The following OPA1 variants were observed in gnomAD, a reference collection of about 807,000 sequenced individuals.
OPA1 encodes the protein OPA1 mitochondrial dynamin like GTPase.
OPA1 carries 59 observed loss-of-function variants against 152.9 expected under a neutral mutation model. The ratio of observed to expected loss-of-function variants is 0.39; its 90% CI spans 0.31 to 0.48. The LOEUF is 0.48. Among genes scored for constraint, OPA1 ranks in the 20% least tolerant of loss-of-function variants. The pLI is 0.96. For missense variants in OPA1, 1,008 were observed against 1,216.8 expected, an observed-to-expected ratio of 0.83 and a Z score of 2.55; for synonymous variants, 400 against 389.9, an observed-to-expected ratio of 1.03 and a Z score of -0.31.
intron 29 of OPA1, among the ~76,000 whole-genome samples, chr3:193,687,270 G>A (rs1043732003): frequency 6.6e-6 from 1 of 152,284 alleles, no homozygotes. Flanking sequence ...GGGATTATGG[G>A]AATATTCATG....
intron 29 of OPA1, among the ~76,000 whole-genome samples, chr3:193,682,997 G>A (rs1223588444): frequency 6.6e-6 from 1 of 151,570 alleles, no homozygotes; most frequent in Non-Finnish European, 1.5e-5. Flanking sequence ...GAAAAAAAAA[G>A]GAAAAGCTTC....
intron 2 of OPA1, 116 bp downstream of exon 2, chr3:193,615,157 C>A: frequency 1.2e-6 from 1 of 831,606 alleles, no homozygotes; most frequent in Non-Finnish European, 2.0e-6. Flanking sequence ...TATTTTGTGT[C>A]TCTACCATGG....
chr3:193,685,945 A>G lies in OPA1; in HGVS notation c.2984-6118A>G, dbSNP rs1451646757. Among the ~76,000 whole-genome samples, 3 of 152,354 alleles carry G rather than the reference A, an allele frequency of 2.0e-5. No homozygotes were observed. In the East Asian group the frequency reaches 5.8e-4, roughly 29 times the overall value. ...TTAACGGCGAATACAACATTGTCAT[A>G]TATTTTAAATGACACACATTACAAC... On this transcript the variant is annotated intron_variant, in intron 29 of 30. Coordinates refer to ENST00000361510, the MANE Select transcript of OPA1 (RefSeq NM_130837.3).
intron 29 of OPA1, among the ~76,000 whole-genome samples, chr3:193,672,905 A>T (rs1233088813): frequency 6.6e-6 from 1 of 151,168 alleles, no homozygotes; most frequent in Non-Finnish European, 1.5e-5. Context: ...AAACCTAAGG[A>T]GTCTTTTCTC....
intron 9 of OPA1, among the ~76,000 whole-genome samples, chr3:193,635,911 C>G (rs562244097): frequency 9.2e-5 from 14 of 152,234 alleles, no homozygotes; most frequent in East Asian, 5.8e-4. Flanking sequence ...AGACCACTTT[C>G]TTCAGTTTTT....
intron 7 of OPA1, among the ~76,000 whole-genome samples, chr3:193,631,082 T>C (rs1244764371): frequency 6.6e-6 from 1 of 152,216 alleles, no homozygotes; most frequent in Non-Finnish European, 1.5e-5. Context: ...ATGCAACTTG[T>C]TCTTTGCATT....
At chr3:193,615,191 A>G in intron 2 of OPA1, 150 bp downstream of exon 2, 1 of 704,844 alleles carries the variant, frequency 1.4e-6, no homozygotes, top group Non-Finnish European at 2.5e-6. Flanking sequence ...AATGATGCTA[A>G]TAGGAAGATG....
Position 193,655,018 on chromosome 3 carries a change from A to T in OPA1, c.2169A>T (p.Lys723Asn). The change falls in exon 22 of 31, where the codon AAA becomes AAT. Residue 723 changes from lysine (K) to asparagine (N), a missense_variant. This residue lies in a region of OPA1 where 229 missense variants were observed against 269.0 expected (regional missense o/e 0.85). Coordinates refer to ENST00000361510, the MANE Select transcript of OPA1 (RefSeq NM_130837.3). ...KQWTDKQLPN[K>N]AVEVAWETLQ... ...GGACTGATAAACAACTTCCTAATAA[A>T]GCAGTAGAGGTTAGGATATAATTTA... 1 of 1,613,666 alleles carries T rather than the reference A, an allele frequency of 6.2e-7. No homozygotes were observed. The highest frequency in any genetic ancestry group is 8.5e-7 in the Non-Finnish European group (1 of 1,179,692).
At chr3:193,680,947 T>C (rs1456819360) in intron 29 of OPA1, among the ~76,000 whole-genome samples, 1 of 152,182 alleles carries the variant, frequency 6.6e-6, no homozygotes, top group Non-Finnish European at 1.5e-5. Flanking sequence ...TGGAGCATCT[T>C]ATGTATTGGA....
intron 1 of OPA1, among the ~76,000 whole-genome samples, chr3:193,604,505 G>A (rs1321095514): frequency 6.6e-6 from 1 of 152,150 alleles, no homozygotes; most frequent in Non-Finnish European, 1.5e-5. Flanking sequence ...ATCCTCTCAG[G>A]TAAGAGGGAA....
chr3:193,611,512 G>A (rs1304401855), intron 1 of OPA1, among the ~76,000 whole-genome samples: 7 of 148,694 alleles, frequency 4.7e-5, no homozygotes, highest in Admixed American at 1.4e-4. Context: ...CAAGAGAATT[G>A]CTTGAACCTG....
rs372283417 is a variant in OPA1, at chr3:193,660,838, G to A, written c.2520+1277G>A. ...GTTATCTCTGCTCTACAGATGGGCC[G>A]AGAGAAGGAGGTCTGTCAGAAGAGA... On this transcript the variant is annotated intron_variant, in intron 25 of 30. Coordinates refer to ENST00000361510, the MANE Select transcript of OPA1 (RefSeq NM_130837.3). Among the ~76,000 whole-genome samples the A allele has an allele frequency of 1.8e-4, 27 of 152,274 alleles. No homozygotes were observed. In the East Asian group the frequency reaches 3.3e-3, roughly 18 times the overall value.
At chr3:193,642,210 C>G (rs1270988348) in intron 11 of OPA1, among the ~76,000 whole-genome samples, 2 of 152,206 alleles carry the variant, frequency 1.3e-5, no homozygotes, top group Non-Finnish European at 2.9e-5. Context: ...CAGTTCCATT[C>G]TCTTCTGTGG....
intron 29 of OPA1, among the ~76,000 whole-genome samples, chr3:193,668,061 G>A (rs1717037751): frequency 6.6e-6 from 1 of 152,118 alleles, no homozygotes; most frequent in Non-Finnish European, 1.5e-5. Flanking sequence ...GTGTGCAGGT[G>A]AATATACACA....
chr3:193,643,345 T>C, intron 13 of OPA1, 28 bp from the exon 14 acceptor site: 1 of 1,540,688 alleles, frequency 6.5e-7, no homozygotes, highest in Non-Finnish European at 9.0e-7. Context: ...AACTTTAGCA[T>C]TGTTTTATTT....
rs777863747 is a variant in OPA1, at chr3:193,662,894, G to A, written c.2593G>A (p.Ala865Thr). Residue 865 changes from alanine to threonine, a missense_variant, in exon 26 of 31, where the codon GCA (alanine) becomes ACA (threonine). Transcript: ENST00000361510. ...KCNEEHPAYLASDEITTVRKN... is the reference protein window; with the variant it reads ...KCNEEHPAYLTSDEITTVRKN... ...TAATGAGGAGCACCCAGCTTATCTT[G>A]CAAGTGATGAAATAACCACAGTCCG... 2 of 1,613,552 alleles carry A rather than the reference G, an allele frequency of 1.2e-6. No homozygotes were observed. The highest frequency in any genetic ancestry group is 3.3e-5 in the Admixed American group (2 of 59,998).
chr3:193,626,229 G>A lies in OPA1; in HGVS notation c.789+27G>A, dbSNP rs151279038. On this transcript the variant is annotated intron_variant, in intron 7 of 30. Transcript: ENST00000361510. ...TGATGGATGGTTTAAGGGGGCTACC[G>A]ATACATTCACACTAATCAGCCATTT... 2.3e-5 allele frequency: 35 copies of A among 1,511,982 alleles called. No homozygotes were observed. In the Admixed American group the frequency reaches 2.3e-4, roughly 10 times the overall value. The allele number at this position is 1,511,982 out of a possible 1,614,324, so 93.7% of individuals were successfully genotyped here.
chr3:193,636,151 A>G (rs537676111), intron 9 of OPA1, among the ~76,000 whole-genome samples: 2 of 152,248 alleles, frequency 1.3e-5, no homozygotes, highest in African/African-American at 4.8e-5. Context: ...GCAAAACTGC[A>G]GTAAATCATG....
intron 1 of OPA1, 143 bp downstream of exon 1, chr3:193,593,552 C>G (rs1374294132): frequency 6.8e-6 from 6 of 886,886 alleles, no homozygotes; most frequent in Non-Finnish European, 9.7e-6. Context: ...TCTTGAGGAC[C>G]CAGAATGACA....
Sources: gnomAD v4.1 joint callset for allele counts (sites outside exome capture counted in the v4.1 genomes callset) on GRCh38, gnomAD v4.1.1 for gene constraint, gnomAD v4.1.1 regional missense constraint, MANE v1.5 for transcripts, NCBI Gene and HGNC (gene_info 2026-07-23, HGNC 2026-07-21) for gene names.